The following CLUAP1 variants were observed in gnomAD, a reference collection of about 807,000 sequenced individuals.
CLUAP1 encodes the protein clusterin-associated protein 1.
CLUAP1 carries 50 observed loss-of-function variants against 55.0 expected under a neutral mutation model. That is an observed-to-expected ratio of 0.91 (90% CI 0.72 to 1.15). The LOEUF is 1.15. CLUAP1 is among the 50% of genes most tolerant of loss of function. The pLI is 0.00. For missense variants in CLUAP1, 530 were observed against 507.6 expected (o/e 1.04, Z -0.42); for synonymous variants, 195 against 175.4 (o/e 1.11, Z -0.88).
chr16:3,519,005 C>T (rs1252800068), intron 6 of CLUAP1, among the ~76,000 whole-genome samples: 5 of 152,208 alleles, frequency 3.3e-5, no homozygotes, highest in Admixed American at 1.3e-4. Context: ...AGCCAGAACC[C>T]TGGGGGGCAG....
intron 7 of CLUAP1, among the ~76,000 whole-genome samples, chr16:3,521,026 A>G (rs1008378853): frequency 1.3e-5 from 2 of 152,018 alleles, no homozygotes; most frequent in African/African-American, 4.8e-5. Flanking sequence ...CACCCTGCCC[A>G]CTGTCCCGAG....
rs769714203 is a variant in CLUAP1 at position 3,515,601 on chromosome 16, CTT to C, written c.579+12_579+13del. The C allele has an allele frequency of 6.4e-6, 10 of 1,570,322 alleles. No homozygotes were observed. The African/African-American group carries it at 1.4e-4, about 22-fold the overall frequency. On this transcript the variant is annotated intron_variant, in intron 6 of 11. Coordinates refer to ENST00000576634, the MANE Select transcript of CLUAP1 (RefSeq NM_015041.3). ...AATAAAAGAGATTTTGGTAAGATGA[CTT>C]TGCTTTTATATAATGTTTTTTATGC...
upstream of CLUAP1, among the ~76,000 whole-genome samples, chr16:3,498,391 C>T (rs2037335364): frequency 6.6e-6 from 1 of 152,140 alleles, no homozygotes; most frequent in African/African-American, 2.4e-5. Context: ...TCAGGCATCC[C>T]AGTCAAGTTG....
At chr16:3,513,842 C>T (rs772255207) in intron 5 of CLUAP1, among the ~76,000 whole-genome samples, 16 of 152,228 alleles carry the variant, frequency 1.1e-4, no homozygotes, top group Non-Finnish European at 2.4e-4. Flanking sequence ...AAATGAATTT[C>T]TTTCATTCAC....
chr16:3,524,443 C>G (rs868538490), intron 8 of CLUAP1, among the ~76,000 whole-genome samples: 1 of 150,998 alleles, frequency 6.6e-6, no homozygotes, highest in South Asian at 2.1e-4. Context: ...ACTAAAAATA[C>G]AAAATTTATC....
At position 3,538,263 on chromosome 16, in the gene CLUAP1, T is replaced by C. The variant is rs965793007; in HGVS notation, c.*1992T>C. The C allele has an allele frequency of 1.6e-4, 25 of 151,970 alleles. No individual in the cohort carries two copies. The highest frequency in any genetic ancestry group is 5.8e-4 in the African/African-American group (24 of 41,406). 9.4% of individuals were successfully genotyped at this position (151,970 alleles called of 1,614,324 possible). A position where few individuals can be genotyped will look rare whatever the true frequency, so the allele number is the denominator to read the frequency against. ...TTTAGGAACTTTTGAGTTATTTCTG[T>C]CATTTTTGCTTTTTTCTCTTTCTTT... On this transcript the variant is annotated 3_prime_UTR_variant, in exon 12 of 12. Transcript: ENST00000576634.
At chr16:3,527,784 G>A (rs913614720) in intron 9 of CLUAP1, among the ~76,000 whole-genome samples, 8 of 152,116 alleles carry the variant, frequency 5.3e-5, no homozygotes, top group South Asian at 2.1e-4. Context: ...AAATAATGGC[G>A]TAAGCTGTCT....
At chr16:3,519,152 A>G (rs2037785386) in intron 6 of CLUAP1, among the ~76,000 whole-genome samples, 1 of 152,166 alleles carries the variant, frequency 6.6e-6, no homozygotes, top group Non-Finnish European at 1.5e-5. Context: ...CCTGCTTCAA[A>G]TGAACCTTCT....
intron 1 of CLUAP1, among the ~76,000 whole-genome samples, chr16:3,502,442 TAAAAA>T (rs74268721): frequency 7.7e-6 from 1 of 129,964 alleles, no homozygotes; most frequent in Admixed American, 7.8e-5. Context: ...AGACTGTCTT[TAAAAA>T]AAAAAAAAAA....
At chr16:3,514,592 G>C (rs1292254281) in intron 5 of CLUAP1, among the ~76,000 whole-genome samples, 2 of 152,232 alleles carry the variant, frequency 1.3e-5, no homozygotes, top group Non-Finnish European at 2.9e-5. Flanking sequence ...AATAAGCTGA[G>C]TGACTTATAA....
chr16:3,501,427 T>C (rs1168860553), intron 1 of CLUAP1, among the ~76,000 whole-genome samples: 1 of 152,252 alleles, frequency 6.6e-6, no homozygotes, highest in Non-Finnish European at 1.5e-5. Context: ...CGCTACCGTA[T>C]TGGAAAATGC....
intron 8 of CLUAP1, among the ~76,000 whole-genome samples, chr16:3,524,198 A>T (rs983862574): frequency 2.0e-5 from 3 of 151,812 alleles, no homozygotes; most frequent in Non-Finnish European, 4.4e-5. Flanking sequence ...GCTACTTGGG[A>T]GGCTGAGATG....
chr16:3,512,535 T>C, intron 5 of CLUAP1, 57 bp downstream of exon 5: 1 of 1,336,066 alleles, frequency 7.5e-7, no homozygotes, highest in Non-Finnish European at 1.1e-6. Context: ...GTTTTCTTTT[T>C]CAATTCTGTT....
rs536528742 is a variant in CLUAP1 at position 3,507,339 on chromosome 16, GT to G, written c.219+925del. 8.5e-4 allele frequency among the ~76,000 whole-genome samples: 129 copies of G among 152,140 alleles called. 4 individuals carry two copies. In the South Asian group the frequency reaches 0.011, roughly 12 times the overall value. ...AGGCCAAGGTGGGAGGATAGCTTGA[GT>G]CCAGGAGTTTGAGAACAGCCTGGGT... On this transcript the variant is annotated intron_variant, in intron 3 of 11. Transcript: ENST00000576634.
At position 3,519,979 on chromosome 16, in the gene CLUAP1, A is replaced by G. The variant is rs1365291719; in HGVS notation, c.656A>G (p.Lys219Arg). Residue 219 changes from lysine to arginine, a missense_variant, in exon 7 of 12, where the codon AAG becomes AGG. Lys to Arg is a conservative substitution (Grantham distance 26). Coordinates refer to ENST00000576634, the MANE Select transcript of CLUAP1 (RefSeq NM_015041.3). ...DEANLEAKIE[K>R]RKLELERNRK... ...GCTAATTTAGAAGCCAAAATCGAAAAGAGAAAATTAGAACTGGAAAGAAAT... is the reference window on the plus strand; with the variant it reads ...GCTAATTTAGAAGCCAAAATCGAAAGGAGAAAATTAGAACTGGAAAGAAAT... The G allele has an allele frequency of 1.5e-5, 25 of 1,613,922 alleles. No homozygotes were observed. Among genetic ancestry groups the G allele is most frequent in the Non-Finnish European group, 2.1e-5 (25 of 1,179,944 alleles).
chr16:3,497,294 C>A (rs2037325080), upstream of CLUAP1, among the ~76,000 whole-genome samples: 1 of 150,570 alleles, frequency 6.6e-6, no homozygotes, highest in Non-Finnish European at 1.5e-5. Context: ...AATCACCACA[C>A]AAAAATTAAT....
At chr16:3,529,756 TAA>T (rs1386089974) in intron 9 of CLUAP1, among the ~76,000 whole-genome samples, 1 of 52,066 alleles carries the variant, frequency 1.9e-5, no homozygotes, top group Non-Finnish European at 3.3e-5. Context: ...ATATATTATA[TAA>T]TATATATTAT....
intron 8 of CLUAP1, among the ~76,000 whole-genome samples, chr16:3,523,669 C>A (rs1336912806): frequency 6.6e-6 from 1 of 152,126 alleles, no homozygotes; most frequent in Non-Finnish European, 1.5e-5. Flanking sequence ...TTCCACTGAT[C>A]CCAAAAATTA....
At chr16:3,501,429 G>A (rs1422173235) in intron 1 of CLUAP1, among the ~76,000 whole-genome samples, 2 of 152,248 alleles carry the variant, frequency 1.3e-5, no homozygotes, top group Non-Finnish European at 2.9e-5. Flanking sequence ...CTACCGTATT[G>A]GAAAATGCAT....
Sources: allele counts gnomAD v4.1 joint callset (sites outside exome capture counted in the v4.1 genomes callset), GRCh38; gene constraint gnomAD v4.1.1; transcripts MANE v1.5; gene names NCBI Gene and HGNC (gene_info 2026-07-23, HGNC 2026-07-21).